The following PGAP6 variants were observed in gnomAD, a reference collection of about 807,000 sequenced individuals.
The protein encoded by PGAP6 is post-GPI attachment to proteins factor 6.
In PGAP6, 62 loss-of-function variants were observed where a neutral mutation model predicts 68.4. The observed-to-expected ratio is 0.91, with a 90% confidence interval of 0.74 to 1.12. The LOEUF is 1.12. Ranked by LOEUF, PGAP6 falls within the 50% of genes most tolerant of loss-of-function variation. The pLI, the probability that PGAP6 is intolerant of heterozygous loss-of-function variation, is 0.00. For synonymous variants in PGAP6, 575 were observed against 474.0 expected (o/e 1.21, Z -2.77); for missense variants, 1,188 against 1,068.5 (o/e 1.11, Z -1.56).
At chr16:378,405 C>CACTGCCATCGCCACCCTG (rs2141764098) in intron 1 of PGAP6, among the ~76,000 whole-genome samples, 5 of 78,316 alleles carry the variant, frequency 6.4e-5, no homozygotes, top group East Asian at 2.7e-4. Context: ...TCGCCACCCG[C>CACTGCCATCGCCACCCTG]ACTGCCATCG....
intron 9 of PGAP6, 121 bp downstream of exon 9, chr16:374,635 G>A: frequency 6.5e-6 from 9 of 1,374,784 alleles, no homozygotes; most frequent in Non-Finnish European, 8.8e-6. Context: ...CTTTGCCCCT[G>A]CATTGCTCTG....
intron 11 of PGAP6, 63 bp downstream of exon 11, chr16:373,942 C>G: frequency 5.9e-6 from 9 of 1,513,556 alleles, no homozygotes; most frequent in Non-Finnish European, 7.9e-6. Flanking sequence ...TACTGCCTTT[C>G]GCAGGCTGCA....
chr16:376,968 C>G, intron 4 of PGAP6, 69 bp downstream of exon 4: 2 of 1,594,550 alleles, frequency 1.3e-6, no homozygotes, highest in Non-Finnish European at 1.7e-6. Context: ...CAGGCTCTCG[C>G]ACCCACTCCA....
At chr16:375,015 T>C (rs1440805330) in intron 8 of PGAP6, 118 bp downstream of exon 8, 2 of 1,575,654 alleles carry the variant, frequency 1.3e-6, no homozygotes, top group African/African-American at 1.3e-5. Context: ...TCAGCAGCCC[T>C]GGAGGAAGCA....
At chr16:386,036 A>G (rs2054482915), upstream of PGAP6, among the ~76,000 whole-genome samples, 1 of 152,058 alleles carries the variant, frequency 6.6e-6, no homozygotes. Context: ...CGTATTTCCA[A>G]ACAAACAGGA....
chr16:381,276 G>A (rs916811512), intron 1 of PGAP6, among the ~76,000 whole-genome samples: 13 of 152,228 alleles, frequency 8.5e-5, no homozygotes, highest in Non-Finnish European at 1.5e-4. Context: ...CCCCGCTACA[G>A]GGTCTAACAA....
upstream of PGAP6, among the ~76,000 whole-genome samples, chr16:383,619 T>A (rs2054462938): frequency 6.6e-6 from 1 of 152,240 alleles, no homozygotes; most frequent in African/African-American, 2.4e-5. Flanking sequence ...CAGCAGTAGC[T>A]GCAAGAAAGG....
At position 371,482 on chromosome 16, in the gene PGAP6, C is replaced by A; in HGVS notation, c.*505G>T. The A allele has an allele frequency of 6.2e-6, 1 of 162,330 alleles. No individual in the cohort carries two copies. The highest frequency in any genetic ancestry group is 1.3e-5 in the Non-Finnish European group (1 of 74,200). The allele number at this position is 162,330 out of a possible 1,614,324, so 10.1% of individuals were successfully genotyped here. A position where few individuals can be genotyped will look rare whatever the true frequency, so the allele number is the denominator to read the frequency against. On this transcript the variant is annotated 3_prime_UTR_variant, in exon 13 of 13. Transcript: ENST00000431232. ...CCCGTCCCTATGGTGACCACAGCAGCAGAGGGGGATCCTCCATGCCCCAGG... is the reference window on the plus strand; with the variant it reads ...CCCGTCCCTATGGTGACCACAGCAGAAGAGGGGGATCCTCCATGCCCCAGG...
intron 8 of PGAP6, 109 bp from the exon 9 acceptor site, chr16:375,001 G>C: frequency 1.3e-6 from 2 of 1,577,714 alleles, no homozygotes; most frequent in Non-Finnish European, 1.7e-6. Flanking sequence ...AGGGCCCCCA[G>C]CTTTCAGCAG....
Position 372,140 on chromosome 16 carries a change from G to T in PGAP6, c.2163C>A (p.Thr721=). Residue 721 remains threonine, a synonymous_variant, in exon 13 of 13, where the codon ACC becomes ACA. Coordinates refer to ENST00000431232, the MANE Select transcript of PGAP6 (RefSeq NM_021259.3). The part of the protein sequence containing the change: ...SMMTSDNYYY[T]HSIWHILLAG... ...CCAGCAGGATGTGCCAGATGCTGTG[G>T]GTGTAGTAGTAGTTGTCGCTAGTCA... is the stretch of plus-strand genomic sequence containing the variant. 1 of 1,612,984 alleles carries T rather than the reference G, an allele frequency of 6.2e-7. No homozygotes were observed. Among genetic ancestry groups the T allele is most frequent in the Non-Finnish European group, 8.5e-7 (1 of 1,179,972 alleles).
intron 6 of PGAP6, 46 bp from the exon 7 acceptor site, chr16:375,481 G>T: frequency 6.4e-7 from 1 of 1,558,480 alleles, no homozygotes. Flanking sequence ...GCCCCTGGCC[G>T]CAGTGGGGTC....
In PGAP6 at chr16:377,176, A is replaced by G. The variant is rs758502999; in HGVS notation, c.508-12T>C. ...GTGGGAGCCAAGCCCTAGGGAAAGA[A>G]CAGGTGTGGGCGGGGGCGGTGTCAG... On this transcript the variant is annotated splice_polypyrimidine_tract_variant and intron_variant, in intron 3 of 12. Coordinates refer to ENST00000431232, the MANE Select transcript of PGAP6 (RefSeq NM_021259.3). 1.7e-5 allele frequency: 27 copies of G among 1,612,984 alleles called. No homozygotes were observed. The highest frequency in any genetic ancestry group is 2.1e-5 in the Non-Finnish European group (25 of 1,179,994).
At chr16:383,989 T>C (rs887361322), upstream of PGAP6, among the ~76,000 whole-genome samples, 3 of 152,256 alleles carry the variant, frequency 2.0e-5, no homozygotes, top group African/African-American at 7.2e-5. Context: ...GAATCCCAGC[T>C]GGGCCGTCCT....
upstream of PGAP6, chr16:382,425 C>G (rs576093102): frequency 4.2e-5 from 16 of 376,606 alleles, no homozygotes; most frequent in East Asian, 5.3e-4. Flanking sequence ...CTGAGTCAGG[C>G]GCCTCAGCAC....
rs892324263 is a variant in PGAP6 at position 371,764 on chromosome 16, G to C, written c.*223C>G. ...GCCCCAGGGGCCACTGCAGACAGCA[G>C]CTGGGATCTGCAGAGGGATCTCAGC... On this transcript the variant is annotated 3_prime_UTR_variant, in exon 13 of 13. Coordinates refer to ENST00000431232, the MANE Select transcript of PGAP6 (RefSeq NM_021259.3). 1.1e-5 allele frequency: 6 copies of C among 552,302 alleles called. No individual in the cohort carries two copies. The highest frequency in any genetic ancestry group is 9.9e-4 in the Middle Eastern group (2 of 2,020). 34.2% of individuals were successfully genotyped at this position (552,302 alleles called of 1,614,324 possible).
upstream of PGAP6, among the ~76,000 whole-genome samples, chr16:384,090 G>C (rs750017144): frequency 1.3e-5 from 2 of 152,234 alleles, no homozygotes; most frequent in Non-Finnish European, 2.9e-5. Context: ...GCCGTGATTT[G>C]AGTGTGCTGT....
chr16:372,901 C>T (rs533658964), intron 11 of PGAP6, among the ~76,000 whole-genome samples, 174 bp from the exon 12 acceptor site: 1 of 152,310 alleles, frequency 6.6e-6, no homozygotes, highest in Non-Finnish European at 1.5e-5. Flanking sequence ...GGGACATGCC[C>T]CTCCTTCAGC....
At chr16:375,927 C>T (rs981067277) in intron 6 of PGAP6, among the ~76,000 whole-genome samples, 4 of 152,244 alleles carry the variant, frequency 2.6e-5, no homozygotes, top group African/African-American at 9.6e-5. Context: ...CCACCTCTGA[C>T]CCGAGCTACC....
rs747536049 is a variant in PGAP6, at chr16:377,114, C to T, written c.558G>A (p.Thr186=). 5.8e-5 allele frequency: 94 copies of T among 1,613,518 alleles called. No individual in the cohort carries two copies. The highest frequency in any genetic ancestry group is 1.6e-4 in the Middle Eastern group (1 of 6,084). The part of the protein sequence containing the change: ...AYVFQPELLV[T]RVVEISIMEP... ...CCATGATGGAAATCTCGACCACCCG[C>T]GTGACCAGCAGTTCAGGCTGGAAGA... is the stretch of plus-strand genomic sequence containing the variant. Residue 186 remains threonine, a synonymous_variant, in exon 4 of 13, where the codon ACG becomes ACA. Transcript: ENST00000431232.
Sources: allele counts gnomAD v4.1 joint callset (sites outside exome capture counted in the v4.1 genomes callset), GRCh38; gene constraint gnomAD v4.1.1; transcripts MANE v1.5; gene names NCBI Gene and HGNC (gene_info 2026-07-23, HGNC 2026-07-21).